Variants in PCLAF observed in about 807,000 individuals in gnomAD.
PCLAF encodes PCNA clamp associated factor, also known as PCNA-associated factor.
A neutral mutation model predicts 15.1 loss-of-function variants in PCLAF; 12 were observed. That is an observed-to-expected ratio of 0.79 (90% CI 0.51 to 1.29). The LOEUF is 1.29. Ranked by LOEUF, PCLAF falls within the 50% of genes most tolerant of loss-of-function variation. The pLI is 0.00. For synonymous variants in PCLAF, 33 were observed against 47.1 expected (o/e 0.70, Z 1.22); for missense variants, 116 against 130.9 (o/e 0.89, Z 0.56).
upstream of PCLAF, among the ~76,000 whole-genome samples, chr15:64,384,428 C>T (rs1167497769): frequency 6.6e-6 from 1 of 151,810 alleles, no homozygotes; most frequent in Non-Finnish European, 1.5e-5. Context: ...GCCACTGCAA[C>T]TGGCCTGCCT....
chr15:64,382,859 G>C, upstream of PCLAF: 1 of 271,926 alleles, frequency 3.7e-6, no homozygotes, highest in South Asian at 3.4e-5. Context: ...GGGAGTGGCG[G>C]CATGTGCCTG....
At chr15:64,381,600 G>T, upstream of PCLAF, 1 of 1,299,302 alleles carries the variant, frequency 7.7e-7, no homozygotes. Context: ...GCGCGAATCC[G>T]TCCATCAACA....
intron 1 of PCLAF, 56 bp downstream of exon 1, chr15:64,381,270 G>A: frequency 6.3e-7 from 1 of 1,596,662 alleles, no homozygotes; most frequent in African/African-American, 1.3e-5. Context: ...TGTCGCCCGT[G>A]GCCAGGCTGC....
chr15:64,381,248 A>G (rs1285199451), intron 1 of PCLAF, 78 bp downstream of exon 1: 2 of 1,518,708 alleles, frequency 1.3e-6, no homozygotes, highest in South Asian at 1.1e-5. Context: ...GCCCAGGGGG[A>G]CCTCTGGCGT....
At chr15:64,378,512 C>T (rs1045023771) in intron 2 of PCLAF, among the ~76,000 whole-genome samples, 8 of 152,168 alleles carry the variant, frequency 5.3e-5, no homozygotes, top group African/African-American at 1.4e-4. Flanking sequence ...CTGAGGCAAC[C>T]GTCCCGCCTT....
rs1403796322 is a variant in PCLAF at position 64,364,611 on chromosome 15, T to A, written c.*1419A>T. 2 of 152,036 alleles carry A rather than the reference T, an allele frequency of 1.3e-5. No individual in the cohort carries two copies. Among genetic ancestry groups the A allele is most frequent in the African/African-American group, 4.8e-5 (2 of 41,432 alleles). 9.4% of individuals were successfully genotyped at this position (152,036 alleles called of 1,614,324 possible). On this transcript the variant is annotated 3_prime_UTR_variant, in exon 4 of 4. Coordinates refer to ENST00000300035, the MANE Select transcript of PCLAF (RefSeq NM_014736.6). ...GGAAAATTTCTTTTAAGAGATGGGA[T>A]CTGGTTCCACTGTGTGTGCCACCAT... is the stretch of plus-strand genomic sequence containing the variant.
exon 1 of PCLAF, chr15:64,387,543 C>T (rs2140539558): frequency 2.3e-6 from 3 of 1,324,038 alleles, no homozygotes; most frequent in South Asian, 2.7e-5. Flanking sequence ...GGTTTGTTTT[C>T]CCCCTAAACT....
chr15:64,378,737 C>G (rs1241466035), intron 2 of PCLAF, among the ~76,000 whole-genome samples: 1 of 152,014 alleles, frequency 6.6e-6, no homozygotes, highest in Non-Finnish European at 1.5e-5. Context: ...ATGGTGAAAC[C>G]CTGCCTCCAC....
rs376687128 is a variant in PCLAF, at chr15:64,376,699, G to A, written c.290+44C>T. On this transcript the variant is annotated intron_variant, in intron 3 of 3. Coordinates refer to ENST00000300035, the MANE Select transcript of PCLAF (RefSeq NM_014736.6). ...CTCCCAAAGTGCTGGGATTACAGGC[G>A]TGAGATAAATATTTTCTTTATATTC... 145 of 1,524,478 alleles carry A rather than the reference G, an allele frequency of 9.5e-5. No homozygotes were observed. In the East Asian group the frequency reaches 2.1e-3, roughly 22 times the overall value. The allele number at this position is 1,524,478 out of a possible 1,614,324, so 94.4% of individuals were successfully genotyped here. A position where few individuals can be genotyped will look rare whatever the true frequency, so the allele number is the denominator to read the frequency against.
At chr15:64,387,417 A>T in intron 1 of PCLAF, 1 of 1,141,128 alleles carries the variant, frequency 8.8e-7, no homozygotes, top group Non-Finnish European at 1.1e-6. Context: ...TAATTAAAAA[A>T]TTAAAACCAC....
chr15:64,373,726 G>A (rs1177070506), intron 3 of PCLAF: 13 of 1,535,724 alleles, frequency 8.5e-6, no homozygotes, highest in Non-Finnish European at 1.1e-5. Flanking sequence ...CGTGTGTCCA[G>A]CTTGCTGCTC....
At chr15:64,369,363 TAAAAAAAAA>T (rs72110519) in intron 3 of PCLAF, among the ~76,000 whole-genome samples, 9 of 94,728 alleles carry the variant, frequency 9.5e-5, no homozygotes, top group East Asian at 6.1e-4. Context: ...CCTGTCTCTT[TAAAAAAAAA>T]AAAAAAAAAA....
upstream of PCLAF, among the ~76,000 whole-genome samples, chr15:64,384,738 TA>T (rs760374421): frequency 2.4e-3 from 246 of 103,506 alleles, no homozygotes; most frequent in Admixed American, 2.8e-3. Flanking sequence ...CAAGAATGTC[TA>T]AAAAAAAAAA....
intron 3 of PCLAF, chr15:64,373,584 C>A (rs373551393): frequency 4.9e-6 from 7 of 1,440,688 alleles, no homozygotes; most frequent in Middle Eastern, 2.5e-4. Flanking sequence ...TTTGTGGTTT[C>A]GGCTGCAGTA....
chr15:64,375,493 C>A (rs537075374), intron 3 of PCLAF, among the ~76,000 whole-genome samples: 1 of 152,198 alleles, frequency 6.6e-6, no homozygotes, highest in South Asian at 2.1e-4. Flanking sequence ...TCACTGCAAC[C>A]TTCATCTCCC....
intron 2 of PCLAF, 101 bp downstream of exon 2, chr15:64,380,857 G>T (rs890750881): frequency 8.1e-6 from 8 of 983,562 alleles, no homozygotes; most frequent in East Asian, 7.4e-5. Flanking sequence ...GGGCAAGGAA[G>T]AAATTCGGGC....
intron 3 of PCLAF, chr15:64,373,703 T>C: frequency 6.5e-7 from 1 of 1,535,622 alleles, no homozygotes; most frequent in Non-Finnish European, 8.7e-7. Flanking sequence ...CTTACCCATT[T>C]GGATCAGTGT....
chr15:64,367,135 AAAG>A (rs144986052), intron 3 of PCLAF, among the ~76,000 whole-genome samples: 6,785 of 152,188 alleles, frequency 0.045, 192 homozygotes, highest in South Asian at 0.085. Context: ...TAAAACAAAA[AAAG>A]AAGAAGAAAA....
At chr15:64,387,542 TC>T in exon 1 of PCLAF, 1 of 1,328,188 alleles carries the variant, frequency 7.5e-7, no homozygotes, top group South Asian at 1.3e-5. Flanking sequence ...TGGTTTGTTT[TC>T]CCCCTAAACT....
Sources: gnomAD v4.1 joint callset for allele counts (sites outside exome capture counted in the v4.1 genomes callset) on GRCh38, gnomAD v4.1.1 for gene constraint, MANE v1.5 for transcripts, NCBI Gene and HGNC (gene_info 2026-07-23, HGNC 2026-07-21) for gene names.